The following GLOD4 variants were observed in gnomAD, a reference collection of about 807,000 sequenced individuals.
GLOD4 encodes the protein glyoxalase domain-containing protein 4.
A neutral mutation model predicts 39.1 loss-of-function variants in GLOD4; 44 were observed. The observed-to-expected ratio is 1.13, with a 90% CI of 0.88 to 1.45. GLOD4 has a LOEUF of 1.45. Ranked by LOEUF, GLOD4 falls within the 40% of genes most tolerant of loss-of-function variation. The pLI is 0.00. For missense variants in GLOD4, 405 were observed against 366.4 expected (o/e 1.11, Z -0.86); for synonymous variants, 145 against 135.0 (o/e 1.07, Z -0.52).
intron 1 of GLOD4, 199 bp from the exon 2 acceptor site, chr17:778,943 C>G: frequency 5.2e-6 from 3 of 574,930 alleles, no homozygotes; most frequent in South Asian, 4.6e-5. Flanking sequence ...GGTCAGGCTA[C>G]CAAATCAGTT....
Position 770,520 on chromosome 17 carries a change from A to AG in GLOD4, c.544-14dup. 1.5e-6 allele frequency: 2 copies of AG among 1,332,256 alleles called. No individual in the cohort carries two copies. Among genetic ancestry groups the AG allele is most frequent in the Non-Finnish European group, 2.2e-6 (2 of 922,254 alleles). 82.5% of individuals were successfully genotyped at this position (1,332,256 alleles called of 1,614,324 possible). On this transcript the variant is annotated splice_polypyrimidine_tract_variant and intron_variant, in intron 5 of 8. Coordinates refer to ENST00000301329, the MANE Select transcript of GLOD4 (RefSeq NM_016080.4). ...GCTCCAGCTTACACTGAAATAGGAA[A>AG]GGGGGTTATTTTTTGGAACAGGTTA...
rs1407850625 is a variant in GLOD4 at position 775,903 on chromosome 17, G to C, written c.278C>G (p.Ser93Cys). Residue 93 changes from serine (S) to cysteine (C), a missense_variant, in exon 4 of 9, where the codon TCT (serine) becomes TGT (cysteine). Coordinates refer to ENST00000301329, the MANE Select transcript of GLOD4 (RefSeq NM_016080.4). Reference protein sequence around the residue: ...GNDFMGITLASSQAVSNARKL... With the variant: ...GNDFMGITLACSQAVSNARKL... ...CCTGGCGTTGCTGACAGCCTGGCTA[G>C]AAGCGAGCGTGATTCCCTACAACAA... 10 of 1,613,344 alleles carry C rather than the reference G, an allele frequency of 6.2e-6. No individual in the cohort carries two copies. The highest frequency in any genetic ancestry group is 8.5e-6 in the Non-Finnish European group (10 of 1,179,270).
Position 770,038 on chromosome 17 carries a change from A to G in GLOD4, c.744+6T>C. 1 of 1,590,090 alleles carries G rather than the reference A, an allele frequency of 6.3e-7. No individual in the cohort carries two copies. Among genetic ancestry groups the G allele is most frequent in the East Asian group, 2.2e-5 (1 of 44,792 alleles). ...CCAGCCTGCCCCCTGCCTGAGAAAT[A>G]CTTACAGGGTCGGCCAGAATGACCA... On this transcript the variant is annotated splice_donor_region_variant and intron_variant, in intron 7 of 8. Transcript: ENST00000301329.
intron 8 of GLOD4, among the ~76,000 whole-genome samples, chr17:761,438 TTCTG>T (rs1346761862): frequency 2.0e-5 from 3 of 152,360 alleles, no homozygotes; most frequent in African/African-American, 7.2e-5. Flanking sequence ...ATATGCACGT[TTCTG>T]TCTTTTAGGA....
intron 4 of GLOD4, among the ~76,000 whole-genome samples, chr17:773,516 G>C (rs776803353): frequency 1.3e-5 from 2 of 152,020 alleles, no homozygotes; most frequent in Non-Finnish European, 2.9e-5. Flanking sequence ...ATGGGTGTGT[G>C]TGTTTTTTTT....
chr17:762,491 C>T (rs973457642), intron 8 of GLOD4, among the ~76,000 whole-genome samples: 1 of 148,288 alleles, frequency 6.7e-6, no homozygotes, highest in African/African-American at 2.5e-5. Context: ...AGGCCCCGGC[C>T]GGCACCTACT....
chr17:760,526 AG>A (rs934470056), intron 8 of GLOD4, among the ~76,000 whole-genome samples: 1 of 152,218 alleles, frequency 6.6e-6, no homozygotes, highest in Non-Finnish European at 1.5e-5. Flanking sequence ...GCCTGTAGCC[AG>A]GAAGTGTGGC....
intron 4 of GLOD4, among the ~76,000 whole-genome samples, chr17:773,361 GT>G (rs1352700971): frequency 1.3e-5 from 2 of 151,688 alleles, no homozygotes; most frequent in African/African-American, 4.9e-5. Flanking sequence ...ATAGAGAATT[GT>G]TTCTCTTCCT....
chr17:772,013 CAAAAAAAAAAAAA>C (rs67745456), intron 4 of GLOD4, among the ~76,000 whole-genome samples: 3 of 50,992 alleles, frequency 5.9e-5, no homozygotes, highest in African/African-American at 8.5e-5. Context: ...AACTCTGTCT[CAAAAAAAAAAAAA>C]AAAAAAAAAA....
intron 2 of GLOD4, chr17:778,445 G>A (rs931435362): frequency 1.7e-6 from 1 of 588,150 alleles, no homozygotes; most frequent in South Asian, 2.2e-5. Flanking sequence ...GTATGAGAGT[G>A]CAGAGAAATG....
chr17:783,403 C>G (rs12945945), upstream of GLOD4: 174,796 of 1,405,056 alleles, frequency 0.12, 11,729 homozygotes, highest in South Asian at 0.2. Context: ...ATGGCGCGAT[C>G]TCGGCCCACT....
chr17:780,792 T>G (rs1158731336), intron 1 of GLOD4: 7 of 152,316 alleles, frequency 4.6e-5, no homozygotes, highest in African/African-American at 1.7e-4. Context: ...TCTACATGAA[T>G]TATTTCCTCA....
intron 8 of GLOD4, chr17:765,033 A>G (rs927523126): frequency 3.3e-5 from 5 of 151,308 alleles, no homozygotes; most frequent in African/African-American, 1.2e-4. Context: ...CAAAAAACAA[A>G]AAAAGCCATG....
At chr17:777,317 C>T (rs1343146322) in intron 2 of GLOD4, 6 of 288,964 alleles carry the variant, frequency 2.1e-5, no homozygotes, top group African/African-American at 6.4e-5. Flanking sequence ...TCCTAATAGG[C>T]CTTGGACTGT....
intron 1 of GLOD4, 180 bp from the exon 2 acceptor site, chr17:778,924 G>C (rs1005499801): frequency 1.7e-5 from 10 of 583,482 alleles, no homozygotes; most frequent in Non-Finnish European, 2.7e-5. Flanking sequence ...CGAACAGCTT[G>C]ACACCAAGGG....
At chr17:778,798 TC>T (rs1909382691) in intron 1 of GLOD4, 54 bp from the exon 2 acceptor site, 1 of 967,120 alleles carries the variant, frequency 1.0e-6, no homozygotes, top group Non-Finnish European at 1.6e-6. Context: ...GCTCACAGCG[TC>T]TTTAGCACAG....
Position 778,685 on chromosome 17 carries a change from G to A in GLOD4, c.140+10C>T. The A allele has an allele frequency of 6.7e-7, 1 of 1,497,732 alleles. No individual in the cohort carries two copies. The highest frequency in any genetic ancestry group is 1.4e-5 in the African/African-American group (1 of 72,772). 92.8% of individuals were successfully genotyped at this position (1,497,732 alleles called of 1,614,324 possible). ...GCCTAAAGGAGATTTTAAGAAACAAGGTATCATACCCATTACAGGCAGCTT... is the reference window on the plus strand; with the variant it reads ...GCCTAAAGGAGATTTTAAGAAACAAAGTATCATACCCATTACAGGCAGCTT... On this transcript the variant is annotated intron_variant, in intron 2 of 8. Coordinates refer to ENST00000301329, the MANE Select transcript of GLOD4 (RefSeq NM_016080.4).
intron 8 of GLOD4, among the ~76,000 whole-genome samples, chr17:760,520 G>A (rs1254745450): frequency 3.3e-5 from 5 of 152,234 alleles, no homozygotes; most frequent in African/African-American, 4.8e-5. Flanking sequence ...AACCAAGCCT[G>A]TAGCCAGGAA....
chr17:779,118 C>T (rs564207820), intron 1 of GLOD4, among the ~76,000 whole-genome samples: 7 of 152,062 alleles, frequency 4.6e-5, no homozygotes, highest in Non-Finnish European at 1.0e-4. Context: ...AGTTCAAGAT[C>T]AACCTGGCAA....
Sources: allele counts gnomAD v4.1 joint callset (sites outside exome capture counted in the v4.1 genomes callset), GRCh38; gene constraint gnomAD v4.1.1; transcripts MANE v1.5; gene names NCBI Gene and HGNC (gene_info 2026-07-23, HGNC 2026-07-21).